The following MEGF8 variants were observed in gnomAD, a reference collection of about 807,000 sequenced individuals.
The protein encoded by MEGF8 is multiple EGF like domains 8, also known as multiple epidermal growth factor-like domains protein 8.
A neutral mutation model predicts 302.9 loss-of-function variants in MEGF8; 156 were observed. The observed-to-expected ratio is 0.52, with a 90% CI of 0.45 to 0.59. The LOEUF (loss-of-function observed/expected upper bound fraction) is 0.59. Ranked by LOEUF, MEGF8 falls within the 20% of genes least tolerant of loss-of-function variation. MEGF8 has a pLI of 0.00. For missense variants in MEGF8, 3,345 were observed against 3,964.5 expected (o/e 0.84, Z 4.20); for synonymous variants, 1,621 against 1,660.5 (o/e 0.98, Z 0.58).
intron 1 of MEGF8, among the ~76,000 whole-genome samples, chr19:42,326,998 C>A (rs535418994): frequency 6.6e-6 from 1 of 152,100 alleles, no homozygotes; most frequent in African/African-American, 2.4e-5. Flanking sequence ...AGCCACTGTG[C>A]CTGGCTTCTT....
intron 13 of MEGF8, 33 bp from the exon 14 acceptor site, chr19:42,349,466 G>A (rs1261524660): frequency 1.3e-6 from 2 of 1,590,562 alleles, no homozygotes; most frequent in Admixed American, 1.7e-5. Context: ...GAAGGGTTCT[G>A]AGGCCCCTGC....
chr19:42,327,985 C>T (rs1250914612), intron 1 of MEGF8, among the ~76,000 whole-genome samples: 1 of 152,212 alleles, frequency 6.6e-6, no homozygotes, highest in African/African-American at 2.4e-5. Context: ...GTCCCAGCTT[C>T]TCAGGAGGCT....
chr19:42,362,429 G>A lies in MEGF8; in HGVS notation c.5890G>A (p.Ala1964Thr). 1 of 1,614,010 alleles carries A rather than the reference G, an allele frequency of 6.2e-7. No homozygotes were observed. Residue 1964 changes from alanine (A) to threonine (T), a missense_variant, in exon 34 of 42, where the codon GCT becomes ACT. Coordinates refer to ENST00000251268, the MANE Select transcript of MEGF8 (RefSeq NM_001271938.2). ...CKWCTNCPEG[A>T]CIGRNGSCTS... Reference sequence around the variant, plus strand: ...GTGGTGTACCAACTGCCCCGAAGGTGCTTGCATTGGACGCAATGGGTCCTG... The same window carrying A: ...GTGGTGTACCAACTGCCCCGAAGGTACTTGCATTGGACGCAATGGGTCCTG...
At chr19:42,362,671 G>A (rs1373462067) in intron 34 of MEGF8, 74 bp downstream of exon 34, 2 of 1,548,332 alleles carry the variant, frequency 1.3e-6, no homozygotes, top group East Asian at 4.5e-5. Flanking sequence ...GGAGGGGCTG[G>A]GGGCCTGGTC....
Position 42,354,619 on chromosome 19 carries a change from C to T in MEGF8, c.4043C>T (p.Pro1348Leu). 1 of 1,613,066 alleles carries T rather than the reference C, an allele frequency of 6.2e-7. No homozygotes were observed. The change falls in exon 23 of 42, where the codon CCA becomes CTA. Residue 1348 changes from proline to leucine, a missense_variant. Transcript: ENST00000251268. The surrounding 1 kb of genome is among the most constrained non-coding windows in gnomAD (Gnocchi z 4.3). ...LSYVLAFDGF[P>L]RFLDTGVVQS... The stretch of plus-strand genomic sequence containing the variant: ...TACGTCCTGGCGTTTGATGGATTCC[C>T]ACGCTTCCTGGACACTGGTGTTGTC...
chr19:42,351,374 G>A lies in MEGF8; in HGVS notation c.2855+40G>A, dbSNP rs1330356060. ...GTGCAGGGAGTGGGTGGGTGGATGT[G>A]CCTGGGGATGTGTGCTGGCTGTGGA... On this transcript the variant is annotated intron_variant, in intron 16 of 41. Transcript: ENST00000251268. This position sits in a 1 kb window ranked among gnomAD's most constrained non-coding sequence, Gnocchi z 5.6. The A allele has an allele frequency of 1.3e-6, 2 of 1,570,308 alleles. No homozygotes were observed. Among genetic ancestry groups the A allele is most frequent in the Non-Finnish European group, 1.7e-6 (2 of 1,157,680 alleles).
intron 12 of MEGF8, among the ~76,000 whole-genome samples, chr19:42,346,366 AC>A (rs2039288973): frequency 6.6e-6 from 1 of 151,346 alleles, no homozygotes; most frequent in Non-Finnish European, 1.5e-5. Flanking sequence ...ACATGGTGAA[AC>A]CCTGTCTCTA....
In MEGF8 at chr19:42,352,326, G is replaced by A. The variant is rs1394320984; in HGVS notation, c.3220G>A (p.Asp1074Asn). The A allele has an allele frequency of 6.3e-7, 1 of 1,583,350 alleles. No individual in the cohort carries two copies. Among genetic ancestry groups the A allele is most frequent in the Non-Finnish European group, 8.6e-7 (1 of 1,165,580 alleles). ...PARWAYARCP[D>N]VDECRLGLAR... ...CCGCTGGGCATACGCCCGCTGTCCTGACGTGGATGAGTGTCGCCTGGGCCT... is the reference window on the plus strand; with the variant it reads ...CCGCTGGGCATACGCCCGCTGTCCTAACGTGGATGAGTGTCGCCTGGGCCT... Residue 1074 changes from aspartate to asparagine, a missense_variant, in exon 19 of 42, where the codon GAC becomes AAC. By Grantham distance (23) the Asp-to-Asn change is conservative. Transcript: ENST00000251268. This position sits in a 1 kb window ranked among gnomAD's most constrained non-coding sequence, Gnocchi z 4.4.
Position 42,344,816 on chromosome 19 carries a change from A to G in MEGF8, c.2080A>G (p.Thr694Ala). The G allele has an allele frequency of 1.3e-6, 2 of 1,587,706 alleles. No individual in the cohort carries two copies. The highest frequency in any genetic ancestry group is 1.7e-6 in the Non-Finnish European group (2 of 1,165,058). Residue 694 changes from threonine (T) to alanine (A), a missense_variant, in exon 12 of 42, where the codon ACC becomes GCC. Coordinates refer to ENST00000251268, the MANE Select transcript of MEGF8 (RefSeq NM_001271938.2). The surrounding 1 kb of genome is among the most constrained non-coding windows in gnomAD (Gnocchi z 4.5). The stretch of plus-strand genomic sequence containing the variant: ...GCTCACCTTTCAGCAGCCGCCCAAT[A>G]CCTCCCAGCCTGACAAGGTGGGTAG... ...HLLTFQQPPN[T>A]SQPDKVSIVR...
At chr19:42,374,872 A>G (rs2039743708) in intron 41 of MEGF8, among the ~76,000 whole-genome samples, 1 of 152,166 alleles carries the variant, frequency 6.6e-6, no homozygotes, top group African/African-American at 2.4e-5. Flanking sequence ...TGGCCAGGGA[A>G]GGCCTAGGTG....
chr19:42,326,661 C>T (rs1331129638), intron 1 of MEGF8, among the ~76,000 whole-genome samples: 2 of 151,906 alleles, frequency 1.3e-5, no homozygotes, highest in Non-Finnish European at 2.9e-5. Flanking sequence ...GCATCAGTGC[C>T]GGGCCTTCTG....
Position 42,354,516 on chromosome 19 carries a change from C to T in MEGF8, c.4012-72C>T. On this transcript the variant is annotated intron_variant, in intron 22 of 41. Transcript: ENST00000251268. This position sits in a 1 kb window ranked among gnomAD's most constrained non-coding sequence, Gnocchi z 4.3. ...CAGATTGCCCTCCCCTCTTGAACCC[C>T]TCCTCCTCCCAGACCCCAGGTGTCG... The T allele has an allele frequency of 6.5e-7, 1 of 1,531,914 alleles. No homozygotes were observed. The highest frequency in any genetic ancestry group is 8.8e-7 in the Non-Finnish European group (1 of 1,130,354). The allele number at this position is 1,531,914 out of a possible 1,614,324, so 94.9% of individuals were successfully genotyped here. A position where few individuals can be genotyped will look rare whatever the true frequency, so the allele number is the denominator to read the frequency against.
rs1316132334 is a variant in MEGF8 at position 42,343,479 on chromosome 19, C to T, written c.1516C>T (p.Arg506Ter). Residue 506 changes from arginine (R) to a stop codon, truncating the protein, a stop_gained and splice_region_variant, in exon 9 of 42, where the codon CGA becomes TGA. Transcript: ENST00000251268. LOFTEE classifies it high-confidence loss of function. ...ELAPPGTPEG[R>*]AAPPSGRYSH... ...CATTGGGGTCTCTATTCCCCTAGGCCGAGCAGCGCCTCCCAGTGGTCGGTA... is the reference window on the plus strand; with the variant it reads ...CATTGGGGTCTCTATTCCCCTAGGCTGAGCAGCGCCTCCCAGTGGTCGGTA... 17 of 1,597,292 alleles carry T rather than the reference C, an allele frequency of 1.1e-5. No individual in the cohort carries two copies. The highest frequency in any genetic ancestry group is 1.7e-5 in the Admixed American group (1 of 59,138).
rs1004050562 is a variant in MEGF8, at chr19:42,377,786, C to CAA, written c.*1026_*1027dup. 16 of 112,378 alleles carry CAA rather than the reference C, an allele frequency of 1.4e-4. No homozygotes were observed. The highest frequency in any genetic ancestry group is 2.7e-4 in the South Asian group (1 of 3,668). The allele number at this position is 112,378 out of a possible 1,614,324, so 7.0% of individuals were successfully genotyped here. On this transcript the variant is annotated 3_prime_UTR_variant, in exon 42 of 42. Transcript: ENST00000251268. ...TGGGTGACAGAGCGAGACTCCACCT[C>CAA]AAAAAAAAAAAAAAAATTTAAGAGG...
chr19:42,374,412 A>G (rs1036467098), intron 41 of MEGF8, among the ~76,000 whole-genome samples: 3 of 149,816 alleles, frequency 2.0e-5, no homozygotes, highest in Non-Finnish European at 3.0e-5. Context: ...CAGAGGTTGC[A>G]GTGAGCCGAT....
At position 42,354,134 on chromosome 19, in the gene MEGF8, T is replaced by G; in HGVS notation, c.4011+110T>G. On this transcript the variant is annotated intron_variant, in intron 22 of 41. Transcript: ENST00000251268. The surrounding 1 kb of genome is among the most constrained non-coding windows in gnomAD (Gnocchi z 4.3). ...AGTATTGCTGTTTTTTTTTTTTTGT[T>G]TTTTTAATCCTTCAAAACCCAAACT... 1 of 1,350,138 alleles carries G rather than the reference T, an allele frequency of 7.4e-7. No homozygotes were observed. The highest frequency in any genetic ancestry group is 9.8e-7 in the Non-Finnish European group (1 of 1,020,840). 83.6% of individuals were successfully genotyped at this position (1,350,138 alleles called of 1,614,324 possible). A position where few individuals can be genotyped will look rare whatever the true frequency, so the allele number is the denominator to read the frequency against.
In MEGF8 at chr19:42,353,574, C is replaced by T. The variant is rs2039407807; in HGVS notation, c.3660C>T (p.Arg1220=). 1 of 1,600,352 alleles carries T rather than the reference C, an allele frequency of 6.2e-7. No individual in the cohort carries two copies. Among genetic ancestry groups the T allele is most frequent in the Non-Finnish European group, 8.5e-7 (1 of 1,173,942 alleles). ...PCQCNGHGDP[R]RGHCDNLSGL... ...AGTGCAACGGGCACGGGGACCCACGCCGTGGCCACTGCGACAACCTCAGTG... is the reference window on the plus strand; with the variant it reads ...AGTGCAACGGGCACGGGGACCCACGTCGTGGCCACTGCGACAACCTCAGTG... Residue 1220 remains arginine (R), a synonymous_variant, in exon 21 of 42, where the codon CGC becomes CGT. Transcript: ENST00000251268. This position sits in a 1 kb window ranked among gnomAD's most constrained non-coding sequence, Gnocchi z 6.1.
chr19:42,376,076 C>A lies in MEGF8; in HGVS notation c.7839C>A (p.Tyr2613Ter). 2 of 1,605,940 alleles carry A rather than the reference C, an allele frequency of 1.2e-6. No individual in the cohort carries two copies. The highest frequency in any genetic ancestry group is 1.7e-6 in the Non-Finnish European group (2 of 1,179,368). The change falls in exon 42 of 42, where the codon TAC becomes TAA. Residue 2613 changes from tyrosine (Y) to a stop codon, truncating the protein, a stop_gained. Coordinates refer to ENST00000251268, the MANE Select transcript of MEGF8 (RefSeq NM_001271938.2). LOFTEE classifies it high-confidence loss of function. The surrounding 1 kb of genome is among the most constrained non-coding windows in gnomAD (Gnocchi z 8.2). ...ATGCCCTCAAGTCGAGCCGCTTCTA[C>A]CTGCTGCTGCTGGGCGTGGGAGACC... is the stretch of plus-strand genomic sequence containing the variant. Reference protein sequence around the residue: ...EHHALKSSRFYLLLLGVGDPS... With the variant: ...EHHALKSSRF
At chr19:42,365,289 G>A (rs528473446) in intron 35 of MEGF8, among the ~76,000 whole-genome samples, 2 of 152,052 alleles carry the variant, frequency 1.3e-5, no homozygotes, top group Admixed American at 6.5e-5. Flanking sequence ...GTTCTCACAC[G>A]CCTGAAGAGC....
Sources: allele counts gnomAD v4.1 joint callset (sites outside exome capture counted in the v4.1 genomes callset), GRCh38; gene constraint gnomAD v4.1.1; non-coding constraint Gnocchi (gnomAD v3.1); transcripts MANE v1.5; gene names NCBI Gene and HGNC (gene_info 2026-07-23, HGNC 2026-07-21).